EXOC4: variants seen among roughly 807,000 people sequenced by gnomAD.
EXOC4 encodes SEC8-like 1.
EXOC4 carries 71 observed loss-of-function variants against 107.2 expected under a neutral mutation model. The ratio of observed to expected loss-of-function variants is 0.66; its 90% CI spans 0.55 to 0.81. The LOEUF (loss-of-function observed/expected upper bound fraction) is 0.81. Ranked by LOEUF, EXOC4 falls within the 30% of genes least tolerant of loss-of-function variation. The pLI is 0.00. For missense variants in EXOC4, 1,108 were observed against 1,189.6 expected (o/e 0.93, Z 1.01); for synonymous variants, 456 against 441.2 (o/e 1.03, Z -0.42).
At chr7:133,555,555 A>G (rs1800674939) in intron 9 of EXOC4, among the ~76,000 whole-genome samples, 1 of 152,212 alleles carries the variant, frequency 6.6e-6, no homozygotes, top group Non-Finnish European at 1.5e-5. Flanking sequence ...ATGATTTTAG[A>G]AATACTTACT....
chr7:133,682,451 C>T (rs371019860), intron 10 of EXOC4, among the ~76,000 whole-genome samples: 105 of 152,240 alleles, frequency 6.9e-4, no homozygotes, highest in Non-Finnish European at 1.3e-3. Flanking sequence ...ATCTTGCTGC[C>T]GCCATTATCA....
intron 1 of EXOC4, among the ~76,000 whole-genome samples, chr7:133,271,762 A>G (rs186085278): frequency 6.6e-6 from 1 of 152,272 alleles, no homozygotes; most frequent in Admixed American, 6.5e-5. Flanking sequence ...TGTGAGTGTG[A>G]TCAAGTCTTT....
chr7:133,513,547 T>C (rs1476859009), intron 9 of EXOC4, among the ~76,000 whole-genome samples: 1 of 152,220 alleles, frequency 6.6e-6, no homozygotes, highest in Non-Finnish European at 1.5e-5. Context: ...TTAGGTCTGA[T>C]TGTCCTTGAT....
intron 17 of EXOC4, among the ~76,000 whole-genome samples, chr7:134,023,424 A>T (rs1795069827): frequency 6.6e-6 from 1 of 152,140 alleles, no homozygotes; most frequent in Non-Finnish European, 1.5e-5. Flanking sequence ...ACTGCTTAAA[A>T]TAATTTTATA....
At chr7:133,604,028 C>CT (rs1563123596) in intron 9 of EXOC4, among the ~76,000 whole-genome samples, 1 of 147,810 alleles carries the variant, frequency 6.8e-6, no homozygotes, top group East Asian at 2.0e-4. Flanking sequence ...TCTTTTTAAA[C>CT]TTTTTTGTTA....
intron 9 of EXOC4, among the ~76,000 whole-genome samples, chr7:133,483,224 T>C (rs187502411): frequency 1.2e-4 from 19 of 152,266 alleles, no homozygotes; most frequent in African/African-American, 4.6e-4. Context: ...TAAAATAGGA[T>C]AGAGAGCACC....
chr7:133,615,514 A>G (rs911420225), intron 9 of EXOC4, among the ~76,000 whole-genome samples: 1 of 152,192 alleles, frequency 6.6e-6, no homozygotes, highest in South Asian at 2.1e-4. Flanking sequence ...GAAAAGTTAC[A>G]TAAAGATTTT....
chr7:133,806,707 G>T (rs1171315958), intron 10 of EXOC4, among the ~76,000 whole-genome samples: 2 of 152,156 alleles, frequency 1.3e-5, no homozygotes, highest in African/African-American at 4.8e-5. Context: ...ATAGCGTGAT[G>T]AAGTCTGGCA....
At chr7:134,046,003 C>T (rs928403820) in intron 17 of EXOC4, among the ~76,000 whole-genome samples, 56 of 152,298 alleles carry the variant, frequency 3.7e-4, no homozygotes, top group African/African-American at 1.2e-3. Context: ...AACACCTGGC[C>T]TACAGCCTGC....
intron 10 of EXOC4, among the ~76,000 whole-genome samples, chr7:133,680,387 A>C (rs1405525065): frequency 6.6e-6 from 1 of 152,240 alleles, no homozygotes; most frequent in Non-Finnish European, 1.5e-5. Flanking sequence ...ATTCTACTGA[A>C]ATAGGCAGCC....
chr7:133,295,631 A>G (rs534510621), intron 3 of EXOC4, among the ~76,000 whole-genome samples: 1 of 152,274 alleles, frequency 6.6e-6, no homozygotes, highest in African/African-American at 2.4e-5. Context: ...GAGTGCTTAG[A>G]TAGCAGGACC....
chr7:133,395,561 C>A (rs1193673490), intron 7 of EXOC4, among the ~76,000 whole-genome samples: 1 of 151,994 alleles, frequency 6.6e-6, no homozygotes, highest in Non-Finnish European at 1.5e-5. Flanking sequence ...GAATAGGACC[C>A]CAGAATGTGA....
intron 5 of EXOC4, among the ~76,000 whole-genome samples, chr7:133,329,621 T>C (rs1795332105): frequency 6.6e-6 from 1 of 152,164 alleles, no homozygotes; most frequent in Non-Finnish European, 1.5e-5. Flanking sequence ...GGCCATCCTT[T>C]TTGTTGATGT....
intron 9 of EXOC4, among the ~76,000 whole-genome samples, chr7:133,495,625 C>CA (rs1255639611): frequency 8.5e-5 from 13 of 152,158 alleles, no homozygotes; most frequent in Non-Finnish European, 1.8e-4. Flanking sequence ...TGTAACTCAA[C>CA]AAAATGTCTG....
intron 2 of EXOC4, among the ~76,000 whole-genome samples, chr7:133,278,754 C>T (rs139425684): frequency 1.4e-3 from 218 of 152,034 alleles, no homozygotes; most frequent in African/African-American, 4.9e-3. Context: ...TTTTAACTAT[C>T]GGTATAATGG....
chr7:133,283,400 A>G (rs1487564850), intron 2 of EXOC4, among the ~76,000 whole-genome samples: 2 of 152,188 alleles, frequency 1.3e-5, no homozygotes, highest in East Asian at 1.9e-4. Flanking sequence ...TAAATGCTGA[A>G]TGGTATTCCA....
intron 7 of EXOC4, chr7:133,447,480 T>C (rs1798245869): frequency 6.6e-6 from 1 of 152,112 alleles, no homozygotes. Flanking sequence ...GATTTAACTT[T>C]TTTATATTCC....
At chr7:133,430,583 A>G (rs140231523) in intron 7 of EXOC4, among the ~76,000 whole-genome samples, 55 of 152,298 alleles carry the variant, frequency 3.6e-4, no homozygotes, top group African/African-American at 1.3e-3. Flanking sequence ...AAAAATTTGT[A>G]TGCAAGTCTT....
intron 10 of EXOC4, among the ~76,000 whole-genome samples, chr7:133,784,029 C>T (rs193183464): frequency 3.3e-5 from 5 of 152,172 alleles, no homozygotes; most frequent in Admixed American, 6.5e-5. Context: ...AGTTTAAAAA[C>T]GTCTGTTTTA....
Sources: gnomAD v4.1 joint callset for allele counts (sites outside exome capture counted in the v4.1 genomes callset) on GRCh38, gnomAD v4.1.1 for gene constraint, MANE v1.5 for transcripts, NCBI Gene and HGNC (gene_info 2026-07-23, HGNC 2026-07-21) for gene names.